The following TFEC variants were observed in gnomAD, a reference collection of about 807,000 sequenced individuals.
The protein encoded by TFEC is transcription factor EC.
A neutral mutation model predicts 41.6 loss-of-function variants in TFEC; 31 were observed. The ratio of observed to expected loss-of-function variants is 0.74; its 90% confidence interval spans 0.56 to 1.01. The LOEUF is 1.01. TFEC is among the 50% of genes least tolerant of loss of function. The probability of loss-of-function intolerance (pLI) is 0.00; values close to 1 mark genes in which losing one functional copy is unlikely to be tolerated. For synonymous variants in TFEC, 143 were observed against 140.6 expected, an observed-to-expected ratio of 1.02 and a Z score of -0.12; for missense variants, 402 against 404.1, an observed-to-expected ratio of 0.99 and a Z score of 0.04.
chr7:116,013,344 C>A (rs1795072406), intron 1 of TFEC, among the ~76,000 whole-genome samples: 1 of 152,028 alleles, frequency 6.6e-6, no homozygotes, highest in South Asian at 2.1e-4. Flanking sequence ...TGCATTTTCC[C>A]CTTGTAACTA....
At chr7:116,115,536 C>G (rs1797968297) in intron 1 of TFEC, among the ~76,000 whole-genome samples, 1 of 151,830 alleles carries the variant, frequency 6.6e-6, no homozygotes, top group Non-Finnish European at 1.5e-5. Context: ...GGTAAGATGT[C>G]CTTCTCTTTT....
chr7:115,952,091 A>C (rs1791977393), intron 5 of TFEC, among the ~76,000 whole-genome samples: 1 of 152,114 alleles, frequency 6.6e-6, no homozygotes, highest in African/African-American at 2.4e-5. Flanking sequence ...AAACAAGGAA[A>C]GTCATCAAAG....
At chr7:116,011,254 T>C (rs765648750) in intron 1 of TFEC, among the ~76,000 whole-genome samples, 40 of 152,290 alleles carry the variant, frequency 2.6e-4, no homozygotes, top group Non-Finnish European at 5.3e-4. Flanking sequence ...CCTAGGATTT[T>C]GGATAACACA....
chr7:115,946,273 A>G (rs970937189), intron 6 of TFEC, among the ~76,000 whole-genome samples: 1 of 150,838 alleles, frequency 6.6e-6, no homozygotes, highest in Non-Finnish European at 1.5e-5. Flanking sequence ...AAATGTCTTC[A>G]CAATCTAGTA....
intron 3 of TFEC, among the ~76,000 whole-genome samples, chr7:116,091,481 A>G (rs1797326273): frequency 6.6e-6 from 1 of 152,204 alleles, no homozygotes; most frequent in African/African-American, 2.4e-5. Context: ...CATCACTAAC[A>G]GAAAAGCAAT....
chr7:115,980,769 CA>C (rs140528199), intron 2 of TFEC, among the ~76,000 whole-genome samples: 2 of 147,928 alleles, frequency 1.4e-5, no homozygotes, highest in Non-Finnish European at 3.0e-5. Flanking sequence ...CAAAACAAAA[CA>C]AAAAAAACAA....
At chr7:116,133,674 T>A (rs1255896311) in intron 1 of TFEC, among the ~76,000 whole-genome samples, 3 of 141,228 alleles carry the variant, frequency 2.1e-5, no homozygotes, top group African/African-American at 8.0e-5. Context: ...TAGCTTTTTT[T>A]TCCTGACTGA....
intron 3 of TFEC, among the ~76,000 whole-genome samples, chr7:116,068,563 A>C (rs1229404577): frequency 6.6e-6 from 1 of 151,716 alleles, no homozygotes; most frequent in Non-Finnish European, 1.5e-5. Context: ...TATTTTTTCA[A>C]CAGTTTGAAG....
chr7:116,065,703 G>A (rs1014116494), intron 3 of TFEC, among the ~76,000 whole-genome samples: 2 of 152,106 alleles, frequency 1.3e-5, no homozygotes, highest in African/African-American at 4.8e-5. Context: ...TAAAAGCCTT[G>A]TTGAACCATT....
chr7:115,953,350 C>T (rs1377195188), intron 5 of TFEC, among the ~76,000 whole-genome samples: 6 of 152,020 alleles, frequency 3.9e-5, no homozygotes, highest in Non-Finnish European at 1.5e-5. Flanking sequence ...TTGCTATGAT[C>T]ATCACAAGTT....
chr7:115,947,477 T>A (rs1461355779), intron 6 of TFEC, among the ~76,000 whole-genome samples: 4 of 151,452 alleles, frequency 2.6e-5, no homozygotes, highest in African/African-American at 9.7e-5. Context: ...TAGTTCTAGA[T>A]CCCTAAGGAA....
intron 1 of TFEC, chr7:116,121,500 A>T (rs185943407): frequency 4.6e-5 from 7 of 152,138 alleles, no homozygotes; most frequent in African/African-American, 1.7e-4. Context: ...GGTTGACATC[A>T]TTGTGAATGT....
intron 3 of TFEC, among the ~76,000 whole-genome samples, chr7:116,051,621 T>C (rs1043918014): frequency 6.6e-6 from 1 of 152,204 alleles, no homozygotes; most frequent in Admixed American, 6.5e-5. Flanking sequence ...TTATAATTTA[T>C]ATTTAGGTAC....
chr7:116,064,326 C>T (rs936611496), intron 3 of TFEC, among the ~76,000 whole-genome samples: 8 of 151,170 alleles, frequency 5.3e-5, no homozygotes, highest in Non-Finnish European at 1.2e-4. Context: ...GGTATATATA[C>T]ACCATGTTGT....
intron 3 of TFEC, among the ~76,000 whole-genome samples, chr7:116,051,877 A>G (rs1368591075): frequency 6.6e-6 from 1 of 152,048 alleles, no homozygotes; most frequent in Admixed American, 6.6e-5. Context: ...ACTAAGGATT[A>G]GGTAAGTAAC....
intron 3 of TFEC, among the ~76,000 whole-genome samples, chr7:115,960,058 C>G (rs958195763): frequency 1.3e-5 from 2 of 150,034 alleles, no homozygotes; most frequent in Non-Finnish European, 3.0e-5. Context: ...TATAGAATGC[C>G]TAATAAGAAT....
rs539742320 is a variant in TFEC at position 115,960,050 on chromosome 7, T to C, written c.268-3257A>G. Among the ~76,000 whole-genome samples the C allele has an allele frequency of 1.3e-4, 19 of 151,516 alleles. No homozygotes were observed. The East Asian group carries it at 1.8e-3, about 14-fold the overall frequency. On this transcript the variant is annotated intron_variant, in intron 3 of 7. Coordinates refer to ENST00000265440, the MANE Select transcript of TFEC (RefSeq NM_012252.4). The stretch of plus-strand genomic sequence containing the variant: ...TTTCATTTAAAAATCAAAGTGTTTA[T>C]AGAATGCCTAATAAGAATGATAGAA...
At chr7:116,151,238 ATTT>A (rs5886809) in intron 1 of TFEC, among the ~76,000 whole-genome samples, 6,128 of 119,880 alleles carry the variant, frequency 0.051, 79 homozygotes, top group Middle Eastern at 0.068. Context: ...ATTATGTCAG[ATTT>A]TTTTTTTTTT....
At chr7:116,093,175 T>C (rs1053822771) in intron 3 of TFEC, among the ~76,000 whole-genome samples, 13 of 152,204 alleles carry the variant, frequency 8.5e-5, no homozygotes, top group African/African-American at 3.1e-4. Flanking sequence ...AAATCTCTAG[T>C]AAGAAGACGT....
Sources: allele counts gnomAD v4.1 joint callset (sites outside exome capture counted in the v4.1 genomes callset), GRCh38; gene constraint gnomAD v4.1.1; transcripts MANE v1.5; gene names NCBI Gene and HGNC (gene_info 2026-07-23, HGNC 2026-07-21).